RELN: variants seen among roughly 807,000 people sequenced by gnomAD.
RELN encodes the protein reelin.
In RELN, 108 loss-of-function variants were observed where a neutral mutation model predicts 427.6. That is an observed-to-expected ratio of 0.25 (90% CI 0.22 to 0.30). The LOEUF (loss-of-function observed/expected upper bound fraction) is 0.30, where lower values mean the gene tolerates loss of function less well. Ranked by LOEUF, RELN falls within the 10% of genes least tolerant of loss-of-function variation. The pLI is 1.00. For missense variants in RELN, 3,715 were observed against 4,302.8 expected, an observed-to-expected ratio of 0.86 and a Z score of 3.82; for synonymous variants, 1,524 against 1,513.4, an observed-to-expected ratio of 1.01 and a Z score of -0.16.
intron 22 of RELN, among the ~76,000 whole-genome samples, chr7:103,606,754 G>A (rs1488426594): frequency 1.3e-5 from 2 of 152,058 alleles, no homozygotes; most frequent in Non-Finnish European, 2.9e-5. Context: ...GTTTTCCTAA[G>A]TAAATTAATC....
intron 1 of RELN, among the ~76,000 whole-genome samples, chr7:103,976,151 A>G (rs573227723): frequency 2.0e-4 from 31 of 152,226 alleles, no homozygotes; most frequent in Non-Finnish European, 3.5e-4. Context: ...TCTTTTTCTC[A>G]AAGACAGACT....
intron 1 of RELN, among the ~76,000 whole-genome samples, chr7:103,978,222 C>T (rs1290458647): frequency 6.6e-6 from 1 of 151,890 alleles, no homozygotes; most frequent in Non-Finnish European, 1.5e-5. Context: ...CATCTCCCCA[C>T]CCACCCCAAT....
intron 4 of RELN, among the ~76,000 whole-genome samples, chr7:103,760,988 GA>G (rs34153006): frequency 0.053 from 7,990 of 152,134 alleles, 411 homozygotes; most frequent in African/African-American, 0.13. Flanking sequence ...AATTTAGAGT[GA>G]AAACAGTTCT....
chr7:103,511,046 A>G, intron 50 of RELN, 41 bp from the exon 51 acceptor site: 2 of 1,537,342 alleles, frequency 1.3e-6, no homozygotes, highest in Non-Finnish European at 1.8e-6. Context: ...AATTTGTGAC[A>G]AAAATACTTG....
In RELN at chr7:103,846,210, A is replaced by G. The variant is rs573927048; in HGVS notation, c.338-12538T>C. On this transcript the variant is annotated intron_variant, in intron 2 of 64. Transcript: ENST00000428762. ...ACAAGGCTACGGTAACAAAAACAGC[A>G]TGGTACTGGTATGAAAACAGATATA... Among the ~76,000 whole-genome samples, 7 of 152,342 alleles carry G rather than the reference A, an allele frequency of 4.6e-5. No individual in the cohort carries two copies. The South Asian group carries it at 1.2e-3, about 27-fold the overall frequency.
At chr7:103,823,632 T>C (rs955722308) in intron 3 of RELN, among the ~76,000 whole-genome samples, 6 of 152,002 alleles carry the variant, frequency 3.9e-5, no homozygotes, top group Non-Finnish European at 8.8e-5. Flanking sequence ...ATTTTAGTTA[T>C]ATGTTGCCTT....
At chr7:103,963,014 A>G (rs1332782413) in intron 1 of RELN, among the ~76,000 whole-genome samples, 1 of 152,164 alleles carries the variant, frequency 6.6e-6, no homozygotes, top group Non-Finnish European at 1.5e-5. Flanking sequence ...TGTGCCAGAG[A>G]AGGAAACACC....
At chr7:103,979,952 G>A (rs979195455) in intron 1 of RELN, among the ~76,000 whole-genome samples, 4 of 151,978 alleles carry the variant, frequency 2.6e-5, no homozygotes, top group Non-Finnish European at 4.4e-5. Flanking sequence ...ACCTGAGGTC[G>A]GGAGTGCGAG....
chr7:103,961,743 T>C (rs1796559570), intron 1 of RELN, among the ~76,000 whole-genome samples: 1 of 152,144 alleles, frequency 6.6e-6, no homozygotes, highest in Admixed American at 6.5e-5. Flanking sequence ...TTTTCATGTT[T>C]CATTCTCTCC....
chr7:103,674,287 G>C (rs1460334399), intron 11 of RELN, among the ~76,000 whole-genome samples: 3 of 151,944 alleles, frequency 2.0e-5, no homozygotes, highest in Admixed American at 6.6e-5. Flanking sequence ...TGCAGTGTAC[G>C]CCCTTATCCT....
intron 1 of RELN, among the ~76,000 whole-genome samples, chr7:103,928,563 C>A (rs138197083): frequency 6.6e-6 from 1 of 152,112 alleles, no homozygotes; most frequent in Non-Finnish European, 1.5e-5. Context: ...GAATTTCCAA[C>A]GAAGGCTATC....
chr7:103,813,611 T>A (rs1792797765), intron 3 of RELN, among the ~76,000 whole-genome samples: 1 of 152,116 alleles, frequency 6.6e-6, no homozygotes, highest in Non-Finnish European at 1.5e-5. Context: ...TATATGGACA[T>A]AACTGAACGA....
At chr7:103,832,338 G>A (rs1432102831) in intron 3 of RELN, among the ~76,000 whole-genome samples, 1 of 152,002 alleles carries the variant, frequency 6.6e-6, no homozygotes, top group African/African-American at 2.4e-5. Flanking sequence ...TCATCTATTC[G>A]ACAAATATTT....
intron 38 of RELN, among the ~76,000 whole-genome samples, chr7:103,555,886 G>T (rs1037134015): frequency 6.6e-6 from 1 of 152,108 alleles, no homozygotes; most frequent in Non-Finnish European, 1.5e-5. Context: ...TAAGGAAATA[G>T]GTTAAATTTT....
chr7:103,553,672 G>A lies in RELN; in HGVS notation c.5957C>T (p.Ser1986Leu). 6.2e-7 allele frequency: 1 copy of A among 1,613,988 alleles called. No individual in the cohort carries two copies. The highest frequency in any genetic ancestry group is 1.3e-5 in the African/African-American group (1 of 75,012). ...GNIGLYCPYSSKGAPEEDSAM... is the reference protein window; with the variant it reads ...GNIGLYCPYSLKGAPEEDSAM... ...TCTTAATACTTACGGTGCCCCCTTT[G>A]AAGAATATGGACAATAAAGACCGAT... Residue 1986 changes from serine to leucine, a missense_variant, in exon 39 of 65, where the codon TCA (serine) becomes TTA (leucine). This residue lies in a region of RELN where 1,310 missense variants were observed against 1,643.0 expected (regional missense o/e 0.80). Coordinates refer to ENST00000428762, the MANE Select transcript of RELN (RefSeq NM_005045.4).
intron 28 of RELN, 127 bp from the exon 29 acceptor site, chr7:103,575,832 G>A: frequency 9.8e-7 from 1 of 1,020,522 alleles, no homozygotes; most frequent in Non-Finnish European, 1.5e-6. Flanking sequence ...CTGCTTGACT[G>A]CACTTAACCT....
chr7:103,837,339 G>A (rs1793435342), intron 2 of RELN, among the ~76,000 whole-genome samples: 1 of 152,120 alleles, frequency 6.6e-6, no homozygotes, highest in African/African-American at 2.4e-5. Flanking sequence ...TAGAAGGTTT[G>A]GGAAAATCTG....
chr7:103,760,204 T>C (rs917592207), intron 4 of RELN, among the ~76,000 whole-genome samples: 2 of 151,680 alleles, frequency 1.3e-5, no homozygotes, highest in African/African-American at 4.8e-5. Flanking sequence ...CCTAAATTCC[T>C]CCCATCATCA....
chr7:103,706,921 A>G (rs1834214611), intron 8 of RELN, among the ~76,000 whole-genome samples: 1 of 152,056 alleles, frequency 6.6e-6, no homozygotes, highest in Admixed American at 6.6e-5. Context: ...TTCCCTGACC[A>G]TTCCTCTCCT....
Sources: gnomAD v4.1 joint callset for allele counts (sites outside exome capture counted in the v4.1 genomes callset) on GRCh38, gnomAD v4.1.1 for gene constraint, gnomAD v4.1.1 regional missense constraint, MANE v1.5 for transcripts, NCBI Gene and HGNC (gene_info 2026-07-23, HGNC 2026-07-21) for gene names.